MCTP1: variants seen among roughly 807,000 people sequenced by gnomAD.
The protein encoded by MCTP1 is multiple C2 and transmembrane domain-containing protein 1.
A neutral mutation model predicts 120.6 loss-of-function variants in MCTP1; 69 were observed. The ratio of observed to expected loss-of-function variants is 0.57; its 90% confidence interval spans 0.47 to 0.70. The LOEUF (loss-of-function observed/expected upper bound fraction) is 0.70, where lower values mean the gene tolerates loss of function less well. Ranked by LOEUF, MCTP1 falls within the 30% of genes least tolerant of loss-of-function variation. MCTP1 has a pLI of 0.00. For missense variants in MCTP1, 1,203 were observed against 1,248.8 expected, an observed-to-expected ratio of 0.96 and a Z score of 0.55; for synonymous variants, 529 against 493.1, an observed-to-expected ratio of 1.07 and a Z score of -0.96.
chr5:94,873,325 C>A, intron 12 of MCTP1, 84 bp from the exon 13 acceptor site: 1 of 731,348 alleles, frequency 1.4e-6, no homozygotes, highest in South Asian at 1.9e-5. Flanking sequence ...ATCTCTTTTG[C>A]AAAAAGTTTT....
Position 94,909,253 on chromosome 5 carries a change from G to A in MCTP1, c.1650C>T (p.Gly550=). The change falls in exon 10 of 23, where the codon GGC becomes GGT. Residue 550 remains glycine, a splice_region_variant and synonymous_variant. Transcript: ENST00000515393. Reference sequence around the variant, plus strand: ...CAAAAATTACAAATTGCACAAACCTGCCAATGAAATCATCCCTTTTCCCAG... The same window carrying A: ...CAAAAATTACAAATTGCACAAACCTACCAATGAAATCATCCCTTTTCCCAG... ...KDAGKRDDFI[G]RCQVDLSALS... 1.9e-6 allele frequency: 3 copies of A among 1,611,730 alleles called. No individual in the cohort carries two copies. The highest frequency in any genetic ancestry group is 2.5e-6 in the Non-Finnish European group (3 of 1,178,900).
rs1053019488 is a variant in MCTP1 at position 94,706,452 on chromosome 5, T to A, written c.*1044A>T. ...ATGCATAATCAAGAATGATTTTTTT[T>A]AATAAATGAATGTAGTGAAACACTG... On this transcript the variant is annotated 3_prime_UTR_variant, in exon 23 of 23. Coordinates refer to ENST00000515393, the MANE Select transcript of MCTP1 (RefSeq NM_024717.7). 8 of 151,740 alleles carry A rather than the reference T, an allele frequency of 5.3e-5. No homozygotes were observed. The highest frequency in any genetic ancestry group is 4.1e-4 in the South Asian group (2 of 4,820). 9.4% of individuals were successfully genotyped at this position (151,740 alleles called of 1,614,324 possible). A position where few individuals can be genotyped will look rare whatever the true frequency, so the allele number is the denominator to read the frequency against.
At chr5:95,083,118 A>T (rs1349445925) in intron 1 of MCTP1, among the ~76,000 whole-genome samples, 2 of 152,222 alleles carry the variant, frequency 1.3e-5, no homozygotes, top group Non-Finnish European at 2.9e-5. Context: ...AATACATAGC[A>T]GAATTTAATC....
intron 1 of MCTP1, among the ~76,000 whole-genome samples, chr5:95,250,648 G>A (rs775395934): frequency 2.6e-5 from 4 of 152,136 alleles, no homozygotes; most frequent in African/African-American, 4.8e-5. Flanking sequence ...CTATAAAAAT[G>A]AATACAATGA....
intron 1 of MCTP1, among the ~76,000 whole-genome samples, chr5:95,029,102 G>A (rs528969491): frequency 2.0e-5 from 3 of 150,012 alleles, no homozygotes; most frequent in East Asian, 3.9e-4. Context: ...GTTGTAGGGA[G>A]CAGAGATCAG....
At chr5:95,113,480 G>T (rs1757598696) in intron 1 of MCTP1, among the ~76,000 whole-genome samples, 1 of 152,128 alleles carries the variant, frequency 6.6e-6, no homozygotes, top group Admixed American at 6.5e-5. Flanking sequence ...GGAAGTGGGA[G>T]CACACAGAAA....
chr5:94,779,223 A>C, intron 18 of MCTP1, 60 bp from the exon 19 acceptor site: 1 of 1,396,320 alleles, frequency 7.2e-7, no homozygotes, highest in Non-Finnish European at 1.0e-6. Flanking sequence ...TTGTTCTGTC[A>C]TTTTGAACCT....
At chr5:94,809,571 G>A (rs1160247855) in intron 17 of MCTP1, among the ~76,000 whole-genome samples, 2 of 152,050 alleles carry the variant, frequency 1.3e-5, no homozygotes, top group Non-Finnish European at 2.9e-5. Context: ...TGCCTACCAC[G>A]GTATCAAACA....
At chr5:95,039,841 G>T (rs1273844177) in intron 1 of MCTP1, among the ~76,000 whole-genome samples, 1 of 119,184 alleles carries the variant, frequency 8.4e-6, no homozygotes, top group Admixed American at 1.1e-4. Flanking sequence ...CTAGAACAAA[G>T]TGAACAGGAG....
At position 94,705,132 on chromosome 5, in the gene MCTP1, CTCT is replaced by C. The variant is rs369300900; in HGVS notation, c.*2361_*2363del. The C allele has an allele frequency of 5.9e-5, 9 of 151,474 alleles. No individual in the cohort carries two copies. Among genetic ancestry groups the C allele is most frequent in the African/African-American group, 2.2e-4 (9 of 41,338 alleles). 9.4% of individuals were successfully genotyped at this position (151,474 alleles called of 1,614,324 possible). A position where few individuals can be genotyped will look rare whatever the true frequency, so the allele number is the denominator to read the frequency against. On this transcript the variant is annotated 3_prime_UTR_variant, in exon 23 of 23. Transcript: ENST00000515393. ...AGTAGATGTTTGAGTGACATTCAGT[CTCT>C]TAAGAAATATTTACATCACAGATCT... is the stretch of plus-strand genomic sequence containing the variant.
At chr5:94,738,263 C>A (rs888467951) in intron 19 of MCTP1, among the ~76,000 whole-genome samples, 1 of 152,168 alleles carries the variant, frequency 6.6e-6, no homozygotes, top group Non-Finnish European at 1.5e-5. Context: ...CTATCTAGAT[C>A]GGACCACCCT....
chr5:95,209,400 C>G (rs1174791411), intron 1 of MCTP1, among the ~76,000 whole-genome samples: 1 of 152,106 alleles, frequency 6.6e-6, no homozygotes, highest in African/African-American at 2.4e-5. Context: ...TCTTTTCCTC[C>G]CTCTCTCCTT....
chr5:95,131,537 T>C (rs541976359), intron 1 of MCTP1, among the ~76,000 whole-genome samples: 1 of 152,376 alleles, frequency 6.6e-6, no homozygotes, highest in South Asian at 2.1e-4. Flanking sequence ...GTTTTGGTTT[T>C]ATGATATTAG....
chr5:94,709,015 A>T (rs1277281125), intron 21 of MCTP1: 1 of 155,636 alleles, frequency 6.4e-6, no homozygotes, highest in East Asian at 1.9e-4. Context: ...CAAAAGATGC[A>T]CCTTTTTGGA....
chr5:94,861,351 G>C (rs995342061), intron 17 of MCTP1, among the ~76,000 whole-genome samples: 8 of 151,832 alleles, frequency 5.3e-5, no homozygotes, highest in African/African-American at 1.9e-4. Flanking sequence ...ATTCATAATT[G>C]TAACGAATAT....
intron 1 of MCTP1, among the ~76,000 whole-genome samples, chr5:95,212,903 T>C (rs199932313): frequency 3.2e-4 from 49 of 152,152 alleles, no homozygotes; most frequent in Admixed American, 5.9e-4. Flanking sequence ...CCACAGCCAA[T>C]ATCATACTGA....
At chr5:95,184,797 G>T (rs1749013674) in intron 1 of MCTP1, among the ~76,000 whole-genome samples, 1 of 152,080 alleles carries the variant, frequency 6.6e-6, no homozygotes, top group African/African-American at 2.4e-5. Context: ...GCACTTGATG[G>T]ATCAGCTGAC....
intron 1 of MCTP1, among the ~76,000 whole-genome samples, chr5:95,110,556 CCTGAAATTGTGGGGTTT>C (rs1757381387): frequency 2.0e-5 from 3 of 152,096 alleles, no homozygotes; most frequent in Admixed American, 1.3e-4. Flanking sequence ...ATGTTAAGCT[CCTGAAATTGTGGGGTTT>C]ATTTTTTATA....
chr5:95,229,755 G>T (rs1213743063), intron 1 of MCTP1, among the ~76,000 whole-genome samples: 1 of 151,194 alleles, frequency 6.6e-6, no homozygotes, highest in Non-Finnish European at 1.5e-5. Context: ...AAAAAAAAAA[G>T]ATTGGTTACA....
Sources: allele counts gnomAD v4.1 joint callset (sites outside exome capture counted in the v4.1 genomes callset), GRCh38; gene constraint gnomAD v4.1.1; transcripts MANE v1.5; gene names NCBI Gene and HGNC (gene_info 2026-07-23, HGNC 2026-07-21).